The following HTR3C variants were observed in gnomAD, a reference collection of about 807,000 sequenced individuals.
HTR3C encodes the protein 5-HT3-C.
HTR3C carries 32 observed loss-of-function variants against 40.5 expected under a neutral mutation model. The ratio of observed to expected loss-of-function variants is 0.79; its 90% CI spans 0.60 to 1.06. HTR3C has a LOEUF of 1.06. Among genes scored for constraint, HTR3C ranks in the 50% least tolerant of loss-of-function variants. The pLI is 0.00. For missense variants in HTR3C, 523 were observed against 556.8 expected, an observed-to-expected ratio of 0.94 and a Z score of 0.61; for synonymous variants, 209 against 217.1, an observed-to-expected ratio of 0.96 and a Z score of 0.33.
At chr3:184,058,245 T>G (rs1723369403) in intron 5 of HTR3C, among the ~76,000 whole-genome samples, 182 bp from the exon 6 acceptor site, 1 of 152,184 alleles carries the variant, frequency 6.6e-6, no homozygotes, top group Non-Finnish European at 1.5e-5. Flanking sequence ...AAGAAATTAA[T>G]GCCGCTGCCC....
chr3:184,054,680 G>A, intron 1 of HTR3C, 41 bp from the exon 2 acceptor site: 3 of 1,493,690 alleles, frequency 2.0e-6, no homozygotes, highest in Non-Finnish European at 2.7e-6. Context: ...TCCAGCCCTG[G>A]AAATAGAGTC....
chr3:184,057,142 C>G, intron 5 of HTR3C, 98 bp downstream of exon 5: 1 of 822,358 alleles, frequency 1.2e-6, no homozygotes, highest in Non-Finnish European at 1.8e-6. Context: ...TGTTGCTCCA[C>G]TCCGGTGGCC....
intron 5 of HTR3C, among the ~76,000 whole-genome samples, 190 bp downstream of exon 5, chr3:184,057,234 T>C (rs1723346597): frequency 6.6e-6 from 1 of 152,120 alleles, no homozygotes; most frequent in South Asian, 2.1e-4. Context: ...GAGGCAAAGG[T>C]GGGACAAACG....
At chr3:184,053,904 G>A (rs1269199551) in intron 1 of HTR3C, among the ~76,000 whole-genome samples, 2 of 152,122 alleles carry the variant, frequency 1.3e-5, no homozygotes, top group South Asian at 2.1e-4. Flanking sequence ...ACAGGCGAGC[G>A]CCACTATGCC....
rs1300523199 is a variant in HTR3C, at chr3:184,059,442, A to G, written c.727A>G (p.Ile243Val). 4 of 1,614,006 alleles carry G rather than the reference A, an allele frequency of 2.5e-6. No homozygotes were observed. Among genetic ancestry groups the G allele is most frequent in the Non-Finnish European group, 3.4e-6 (4 of 1,179,982 alleles). The stretch of plus-strand genomic sequence containing the variant: ...TTCTCCGGTCTCTCTCCAGGTGGCC[A>G]TCAGGCGCAGGCCAAGCCTCTACAT... ...LYDQIMFYVA[I>V]RRRPSLYIIN... The change falls in exon 7 of 9, where the codon ATC (isoleucine) becomes GTC (valine). Residue 243 changes from isoleucine (I) to valine (V), a missense_variant. Transcript: ENST00000318351.
rs775604185 is a variant in HTR3C at position 184,058,429 on chromosome 3, G to A, written c.562G>A (p.Asp188Asn). The A allele has an allele frequency of 1.2e-6, 2 of 1,604,922 alleles. No individual in the cohort carries two copies. The highest frequency in any genetic ancestry group is 1.7e-6 in the Non-Finnish European group (2 of 1,176,732). Reference sequence around the variant, plus strand: ...GAACTGACCGGCCTCCCTTCCAGTGGACAGCATGCTGCTGGGCATGGACAA... The same window carrying A: ...GAACTGACCGGCCTCCCTTCCAGTGAACAGCATGCTGCTGGGCATGGACAA... ...FTFSSFLYTV[D>N]SMLLGMDKEV... The change falls in exon 6 of 9, where the codon GAC becomes AAC. Residue 188 changes from aspartate to asparagine, a missense_variant and splice_region_variant. By Grantham distance (23) the Asp-to-Asn change is conservative. Coordinates refer to ENST00000318351, the MANE Select transcript of HTR3C (RefSeq NM_130770.3).
chr3:184,058,278 G>C lies in HTR3C; in HGVS notation c.560-149G>C, dbSNP rs746061351. 3 of 664,700 alleles carry C rather than the reference G, an allele frequency of 4.5e-6. No individual in the cohort carries two copies. In the East Asian group the frequency reaches 9.8e-5, roughly 22 times the overall value. 41.2% of individuals were successfully genotyped at this position (664,700 alleles called of 1,614,324 possible). A position where few individuals can be genotyped will look rare whatever the true frequency, so the allele number is the denominator to read the frequency against. On this transcript the variant is annotated intron_variant, in intron 5 of 8. Transcript: ENST00000318351. ...CCCACACACATATGAATTGCTAGTC[G>C]GGTAACCCACTTCTGAGAAAACCAG... is the stretch of plus-strand genomic sequence containing the variant.
intron 6 of HTR3C, among the ~76,000 whole-genome samples, chr3:184,058,986 A>C (rs1232946242): frequency 6.6e-6 from 1 of 152,054 alleles, no homozygotes; most frequent in Non-Finnish European, 1.5e-5. Context: ...AAATAAAATA[A>C]AAATAAAGCT....
Position 184,054,842 on chromosome 3 carries a change from TA to T in HTR3C, c.190del (p.Thr64ProfsTer22). On this transcript the variant is annotated frameshift_variant, in exon 2 of 9. Coordinates refer to ENST00000318351, the MANE Select transcript of HTR3C (RefSeq NM_130770.3). LOFTEE classifies it high-confidence loss of function. ...FRPFTNYSIP[T>X]RVNISFTLSA... ...GTCCATTCACCAACTACAGCATCCC[TA>T]CCCGTGTCAACATCTCCTTCACCCT... 2 of 1,613,394 alleles carry T rather than the reference TA, an allele frequency of 1.2e-6. No individual in the cohort carries two copies. Among genetic ancestry groups the T allele is most frequent in the Non-Finnish European group, 1.7e-6 (2 of 1,179,614 alleles).
Position 184,056,214 on chromosome 3 carries a change from A to G in HTR3C, c.317A>G (p.Glu106Gly). The G allele has an allele frequency of 6.2e-7, 1 of 1,613,926 alleles. No homozygotes were observed. The highest frequency in any genetic ancestry group is 1.7e-5 in the Admixed American group (1 of 60,004). Residue 106 changes from glutamate (E) to glycine (G), a missense_variant, in exon 4 of 9, where the codon GAG (glutamate) becomes GGG (glycine). By Grantham distance (98) the Glu-to-Gly change is moderately conservative (BLOSUM62 -2). Coordinates refer to ENST00000318351, the MANE Select transcript of HTR3C (RefSeq NM_130770.3). ...DNPFINWNPK[E>G]CVGINKLTVL... is the part of the protein sequence containing the mutation. ...CCTTTCATTAATTGGAACCCAAAAG[A>G]GTGTGTTGGCATCAATAAACTCACA...
Position 184,059,537 on chromosome 3 carries a change from G to C in HTR3C, c.822G>C (p.Glu274Asp), listed in dbSNP as rs1233836485. ...IDALSFYLPAESENRAPFKIT... is the reference protein window; with the variant it reads ...IDALSFYLPADSENRAPFKIT... ...CCCTCAGCTTCTACCTGCCAGCAGA[G>C]AGCGAGAATCGTGCCCCATTCAAGA... The change falls in exon 7 of 9, where the codon GAG (glutamate) becomes GAC (aspartate). Residue 274 changes from glutamate (E) to aspartate (D), a missense_variant. Transcript: ENST00000318351. 2 of 1,614,160 alleles carry C rather than the reference G, an allele frequency of 1.2e-6. No individual in the cohort carries two copies. Among genetic ancestry groups the C allele is most frequent in the East Asian group, 2.2e-5 (1 of 44,868 alleles).
In HTR3C at chr3:184,060,609, A is replaced by G; in HGVS notation, c.*257A>G. 1.8e-6 allele frequency: 1 copy of G among 545,414 alleles called. No individual in the cohort carries two copies. The highest frequency in any genetic ancestry group is 2.1e-5 in the South Asian group (1 of 47,148). 33.8% of individuals were successfully genotyped at this position (545,414 alleles called of 1,614,324 possible). On this transcript the variant is annotated 3_prime_UTR_variant, in exon 9 of 9. Transcript: ENST00000318351. ...CCACCTAACTCCTCACTCCCTGATC[A>G]ATGGAAGTCCAGGTCAGTGGAGTCT...
At chr3:184,054,652 A>G in intron 1 of HTR3C, 69 bp from the exon 2 acceptor site, 1 of 1,325,924 alleles carries the variant, frequency 7.5e-7, no homozygotes, top group Non-Finnish European at 1.0e-6. Flanking sequence ...CCCCTATTTT[A>G]TCTCTCTGCA....
Position 184,054,746 on chromosome 3 carries a change from T to C in HTR3C, c.93T>C (p.Asn31=), listed in dbSNP as rs747798264. Residue 31 remains asparagine, a synonymous_variant, in exon 2 of 9, where the codon AAT becomes AAC. Transcript: ENST00000318351. ...GAAGAGGCGACGCTTTTACCATCAA[T>C]TGCTCAGGCTTTGACCAGCATGGGG... ...LQGRGDAFTI[N]CSGFDQHGVD... is the part of the protein sequence containing the mutation. 3.7e-6 allele frequency: 6 copies of C among 1,604,370 alleles called. No homozygotes were observed. Among genetic ancestry groups the C allele is most frequent in the Non-Finnish European group, 5.1e-6 (6 of 1,176,482 alleles).
chr3:184,057,124 T>G, intron 5 of HTR3C, 80 bp downstream of exon 5: 3 of 1,120,546 alleles, frequency 2.7e-6, no homozygotes, highest in Non-Finnish European at 3.8e-6. Context: ...GAAAAGGTTT[T>G]GGATCAGTGT....
intron 6 of HTR3C, 135 bp downstream of exon 6, chr3:184,058,722 T>C: frequency 1.0e-6 from 1 of 961,096 alleles, no homozygotes. Context: ...CCCAGTACTT[T>C]GGGAGGCCGA....
chr3:184,059,795 G>T (rs781627389), intron 7 of HTR3C, 33 bp from the exon 8 acceptor site: 9 of 1,609,850 alleles, frequency 5.6e-6, no homozygotes, highest in Admixed American at 3.3e-5. Flanking sequence ...AGATAAATTT[G>T]CCTGGTTTAT....
Position 184,058,418 on chromosome 3 carries a change from C to T in HTR3C, c.560-9C>T. ...ACGTCTGCAATGAACTGACCGGCCT[C>T]CCTTCCAGTGGACAGCATGCTGCTG... On this transcript the variant is annotated splice_polypyrimidine_tract_variant and intron_variant, in intron 5 of 8. Coordinates refer to ENST00000318351, the MANE Select transcript of HTR3C (RefSeq NM_130770.3). 2 of 1,592,908 alleles carry T rather than the reference C, an allele frequency of 1.3e-6. No homozygotes were observed. Among genetic ancestry groups the T allele is most frequent in the Non-Finnish European group, 1.7e-6 (2 of 1,171,988 alleles).
chr3:184,056,269 C>G lies in HTR3C; in HGVS notation c.372C>G (p.Asp124Glu). 1 of 1,612,350 alleles carries G rather than the reference C, an allele frequency of 6.2e-7. No individual in the cohort carries two copies. The highest frequency in any genetic ancestry group is 1.1e-5 in the South Asian group (1 of 91,036). Residue 124 changes from aspartate to glutamate, a missense_variant, in exon 4 of 9, where the codon GAC (aspartate) becomes GAG (glutamate). By Grantham distance (45) the Asp-to-Glu change is conservative (BLOSUM62 2). Coordinates refer to ENST00000318351, the MANE Select transcript of HTR3C (RefSeq NM_130770.3). The part of the protein sequence containing the change: ...TVLAENLWLP[D>E]IFIVESMDVD... ...TAGCTGAAAACCTGTGGCTCCCAGA[C>G]ATCTTCATCGTGGAATCGTGCGTAT...
Sources: gnomAD v4.1 joint callset for allele counts (sites outside exome capture counted in the v4.1 genomes callset) on GRCh38, gnomAD v4.1.1 for gene constraint, MANE v1.5 for transcripts, NCBI Gene and HGNC (gene_info 2026-07-23, HGNC 2026-07-21) for gene names.